RSPO2: variants seen among roughly 807,000 people sequenced by gnomAD.
RSPO2 encodes the protein R-spondin-2.
A neutral mutation model predicts 30.9 loss-of-function variants in RSPO2; 14 were observed. The ratio of observed to expected loss-of-function variants is 0.45; its 90% confidence interval spans 0.30 to 0.71. RSPO2 has a LOEUF of 0.71. Ranked by LOEUF, RSPO2 falls within the 30% of genes least tolerant of loss-of-function variation. RSPO2 has a pLI of 0.08. For synonymous variants in RSPO2, 107 were observed against 96.4 expected, an observed-to-expected ratio of 1.11 and a Z score of -0.64; for missense variants, 264 against 301.9, an observed-to-expected ratio of 0.87 and a Z score of 0.93.
At chr8:107,940,040 C>A (rs541327962) in intron 5 of RSPO2, among the ~76,000 whole-genome samples, 3 of 152,174 alleles carry the variant, frequency 2.0e-5, no homozygotes, top group Non-Finnish European at 4.4e-5. Context: ...CACCCTAGAT[C>A]CCTTTGATTT....
intron 2 of RSPO2, among the ~76,000 whole-genome samples, chr8:108,027,279 T>C (rs1242859277): frequency 3.3e-5 from 5 of 152,238 alleles, no homozygotes; most frequent in African/African-American, 1.2e-4. Flanking sequence ...GATTAACTCA[T>C]TAACAAGTAG....
chr8:107,943,783 A>C (rs893023616), intron 5 of RSPO2, among the ~76,000 whole-genome samples: 16 of 152,222 alleles, frequency 1.1e-4, no homozygotes, highest in Admixed American at 8.5e-4. Flanking sequence ...GGCCAAAATT[A>C]CTTTAAATTA....
At chr8:108,070,779 G>A (rs1438847520) in intron 2 of RSPO2, among the ~76,000 whole-genome samples, 5 of 152,168 alleles carry the variant, frequency 3.3e-5, no homozygotes, top group East Asian at 1.9e-4. Flanking sequence ...ACACTCTCAC[G>A]AGATGCTCTC....
At chr8:108,007,008 A>G (rs988410764) in intron 2 of RSPO2, among the ~76,000 whole-genome samples, 7 of 152,202 alleles carry the variant, frequency 4.6e-5, no homozygotes, top group African/African-American at 1.7e-4. Flanking sequence ...CATAACCACA[A>G]TACCATTGCC....
At chr8:107,931,962 A>G (rs1175484532) in intron 5 of RSPO2, among the ~76,000 whole-genome samples, 1 of 152,216 alleles carries the variant, frequency 6.6e-6, no homozygotes, top group East Asian at 1.9e-4. Context: ...GAAAATTTAC[A>G]GTCAAGTGAC....
intron 2 of RSPO2, among the ~76,000 whole-genome samples, chr8:108,015,918 T>C (rs770333737): frequency 1.4e-4 from 22 of 152,074 alleles, no homozygotes; most frequent in Non-Finnish European, 2.9e-4. Context: ...TCGGCACCTA[T>C]GATAACTTTT....
At chr8:108,068,388 T>C (rs1812736861) in intron 2 of RSPO2, among the ~76,000 whole-genome samples, 1 of 152,218 alleles carries the variant, frequency 6.6e-6, no homozygotes, top group African/African-American at 2.4e-5. Context: ...TCTGTAGCTA[T>C]ATGCAGTGAT....
At chr8:108,052,631 A>C (rs1385867101) in intron 2 of RSPO2, among the ~76,000 whole-genome samples, 1 of 152,184 alleles carries the variant, frequency 6.6e-6, no homozygotes, top group African/African-American at 2.4e-5. Flanking sequence ...AACTAGCAGC[A>C]GCTAATGGTC....
chr8:107,920,195 A>T (rs1049610708), intron 5 of RSPO2, among the ~76,000 whole-genome samples: 2 of 152,086 alleles, frequency 1.3e-5, no homozygotes, highest in African/African-American at 4.8e-5. Flanking sequence ...TAAGGATGAG[A>T]CTTTAATTAC....
In RSPO2 at chr8:108,018,882, C is replaced by T. The variant is rs1001919060; in HGVS notation, c.95-29638G>A. On this transcript the variant is annotated intron_variant, in intron 2 of 5. Coordinates refer to ENST00000276659, the MANE Select transcript of RSPO2 (RefSeq NM_178565.5). ...ATTCATATTTTAAGAAAACAACGTT[C>T]ATGCCAGCCTAAGAACTGCATGTAT... 2.6e-5 allele frequency among the ~76,000 whole-genome samples: 4 copies of T among 152,204 alleles called. No homozygotes were observed. The South Asian group carries it at 8.3e-4, about 32-fold the overall frequency.
intron 3 of RSPO2, among the ~76,000 whole-genome samples, chr8:107,970,135 T>C (rs913940668): frequency 5.3e-5 from 8 of 152,176 alleles, no homozygotes; most frequent in Non-Finnish European, 1.0e-4. Flanking sequence ...TTGCAGACCA[T>C]ACGGTATCTG....
chr8:107,935,486 G>A (rs1812692631), intron 5 of RSPO2, among the ~76,000 whole-genome samples: 1 of 151,982 alleles, frequency 6.6e-6, no homozygotes, highest in Admixed American at 6.6e-5. Flanking sequence ...AGAAATTAGA[G>A]ACAACTGCCC....
intron 2 of RSPO2, among the ~76,000 whole-genome samples, chr8:108,065,999 T>C (rs1586674140): frequency 6.6e-6 from 1 of 151,998 alleles, no homozygotes; most frequent in Non-Finnish European, 1.5e-5. Context: ...GATCGTGCCA[T>C]TGCACTTCAG....
intron 2 of RSPO2, among the ~76,000 whole-genome samples, chr8:108,017,603 T>A (rs1810934521): frequency 6.6e-6 from 1 of 152,028 alleles, no homozygotes; most frequent in Admixed American, 6.5e-5. Context: ...CTGAAAGTAG[T>A]CAAGGGGGGA....
At chr8:107,913,282 C>G (rs1378664086) in intron 5 of RSPO2, among the ~76,000 whole-genome samples, 1 of 152,134 alleles carries the variant, frequency 6.6e-6, no homozygotes, top group Non-Finnish European at 1.5e-5. Flanking sequence ...CAATGTTACT[C>G]TCTTCCCTTC....
chr8:108,016,180 T>C (rs1187211558), intron 2 of RSPO2, among the ~76,000 whole-genome samples: 1 of 152,244 alleles, frequency 6.6e-6, no homozygotes, highest in Non-Finnish European at 1.5e-5. Flanking sequence ...AAAGACATTT[T>C]CTGGCATATA....
At chr8:107,971,570 G>T (rs906775862) in intron 3 of RSPO2, among the ~76,000 whole-genome samples, 5 of 152,178 alleles carry the variant, frequency 3.3e-5, no homozygotes, top group Admixed American at 1.3e-4. Context: ...AGTGCACTGT[G>T]CAGGTGAATA....
At chr8:107,959,320 C>T (rs1011582004) in intron 4 of RSPO2, among the ~76,000 whole-genome samples, 13 of 152,186 alleles carry the variant, frequency 8.5e-5, no homozygotes, top group East Asian at 1.9e-4. Context: ...TTACTACATA[C>T]GTAAAAACTT....
At chr8:107,939,407 A>C (rs1812819394) in intron 5 of RSPO2, among the ~76,000 whole-genome samples, 1 of 152,036 alleles carries the variant, frequency 6.6e-6, no homozygotes, top group Non-Finnish European at 1.5e-5. Flanking sequence ...TTACTAGACC[A>C]AAGGGCTCAA....
Sources: gnomAD v4.1 joint callset for allele counts (sites outside exome capture counted in the v4.1 genomes callset) on GRCh38, gnomAD v4.1.1 for gene constraint, MANE v1.5 for transcripts, NCBI Gene and HGNC (gene_info 2026-07-23, HGNC 2026-07-21) for gene names.